GPC5: variants seen among roughly 807,000 people sequenced by gnomAD.
GPC5 encodes the protein glypican-5.
GPC5 carries 47 observed loss-of-function variants against 53.9 expected under a neutral mutation model. The observed-to-expected ratio is 0.87, with a 90% CI of 0.69 to 1.11. The LOEUF (loss-of-function observed/expected upper bound fraction) is 1.11, where lower values mean the gene tolerates loss of function less well. GPC5 is among the 50% of genes most tolerant of loss of function. The pLI is 0.00. For missense variants in GPC5, 748 were observed against 713.1 expected (o/e 1.05, Z -0.56); for synonymous variants, 286 against 263.3 (o/e 1.09, Z -0.84).
chr13:91,457,929 C>T (rs1452257922), intron 2 of GPC5, among the ~76,000 whole-genome samples: 1 of 152,066 alleles, frequency 6.6e-6, no homozygotes, highest in African/African-American at 2.4e-5. Context: ...AAACAAAGAT[C>T]CCTGTCTTGA....
intron 2 of GPC5, among the ~76,000 whole-genome samples, chr13:91,690,427 CAA>C (rs2035733119): frequency 6.6e-6 from 1 of 151,956 alleles, no homozygotes; most frequent in African/African-American, 2.4e-5. Context: ...ATTACAAACT[CAA>C]AGAGTAATCA....
intron 7 of GPC5, among the ~76,000 whole-genome samples, chr13:92,653,907 T>C (rs528816316): frequency 6.6e-6 from 1 of 152,262 alleles, no homozygotes; most frequent in East Asian, 1.9e-4. Flanking sequence ...CAAAACTCAG[T>C]GAAGTATGAG....
At chr13:91,515,941 A>G (rs1043985441) in intron 2 of GPC5, among the ~76,000 whole-genome samples, 2 of 152,238 alleles carry the variant, frequency 1.3e-5, no homozygotes, top group African/African-American at 4.8e-5. Context: ...ATGAGGAAGA[A>G]GCAAAAGAGC....
intron 7 of GPC5, among the ~76,000 whole-genome samples, chr13:92,629,485 A>G (rs1038157648): frequency 7.9e-5 from 12 of 152,162 alleles, no homozygotes; most frequent in Admixed American, 3.9e-4. Flanking sequence ...TTACCTGTAC[A>G]TTATAAGAAA....
chr13:91,683,273 G>A (rs1364242246), intron 2 of GPC5, among the ~76,000 whole-genome samples: 1 of 152,100 alleles, frequency 6.6e-6, no homozygotes, highest in African/African-American at 2.4e-5. Context: ...AGAAAGGAAT[G>A]AATTCTCTTT....
chr13:92,787,604 G>T (rs1401231218), intron 7 of GPC5, among the ~76,000 whole-genome samples: 1 of 146,644 alleles, frequency 6.8e-6, no homozygotes, highest in Admixed American at 7.0e-5. Flanking sequence ...GGCCAAGGCA[G>T]GAGGGTCACT....
intron 7 of GPC5, among the ~76,000 whole-genome samples, chr13:92,511,385 A>T (rs1880558001): frequency 6.6e-6 from 1 of 152,066 alleles, no homozygotes; most frequent in Non-Finnish European, 1.5e-5. Context: ...TATTTTAATT[A>T]TGCTTTCTTT....
At chr13:92,852,868 G>A (rs926870828) in intron 7 of GPC5, among the ~76,000 whole-genome samples, 1 of 152,152 alleles carries the variant, frequency 6.6e-6, no homozygotes, top group Non-Finnish European at 1.5e-5. Context: ...TGGACTAAAA[G>A]GGGCCATTGC....
At chr13:92,580,784 C>T (rs931787394) in intron 7 of GPC5, among the ~76,000 whole-genome samples, 1 of 152,108 alleles carries the variant, frequency 6.6e-6, no homozygotes, top group African/African-American at 2.4e-5. Flanking sequence ...TGGTGCTAAA[C>T]TGTTCATGAG....
intron 5 of GPC5, among the ~76,000 whole-genome samples, chr13:91,792,310 T>G (rs547651890): frequency 2.6e-4 from 39 of 152,286 alleles, no homozygotes; most frequent in African/African-American, 9.4e-4. Context: ...GACTATTGGT[T>G]TAGTAACATA....
chr13:91,459,585 C>G (rs1373005493), intron 2 of GPC5, among the ~76,000 whole-genome samples: 1 of 151,940 alleles, frequency 6.6e-6, no homozygotes, highest in Non-Finnish European at 1.5e-5. Flanking sequence ...GAGGGGCTTC[C>G]ACATGGACTT....
chr13:92,589,593 A>T (rs1312515802), intron 7 of GPC5, among the ~76,000 whole-genome samples: 1 of 152,204 alleles, frequency 6.6e-6, no homozygotes, highest in Non-Finnish European at 1.5e-5. Flanking sequence ...AGATTTTATG[A>T]TCATGGCATT....
intron 6 of GPC5, among the ~76,000 whole-genome samples, chr13:92,000,917 G>A (rs1045193475): frequency 6.6e-6 from 1 of 152,196 alleles, no homozygotes; most frequent in African/African-American, 2.4e-5. Flanking sequence ...AGGCCACTGA[G>A]AAAGCTGGGT....
intron 7 of GPC5, among the ~76,000 whole-genome samples, chr13:92,653,434 T>G (rs1049193747): frequency 2.6e-5 from 4 of 152,200 alleles, no homozygotes; most frequent in African/African-American, 9.7e-5. Flanking sequence ...AAGATACGGA[T>G]GGGCTGCAGA....
intron 2 of GPC5, among the ~76,000 whole-genome samples, chr13:91,489,323 C>T (rs546561234): frequency 6.6e-6 from 1 of 152,082 alleles, no homozygotes; most frequent in African/African-American, 2.4e-5. Context: ...TGTGATGTCT[C>T]CCCCGGACAC....
intron 2 of GPC5, among the ~76,000 whole-genome samples, chr13:91,571,792 T>C (rs1460516261): frequency 8.0e-6 from 1 of 125,458 alleles, no homozygotes; most frequent in Non-Finnish European, 1.7e-5. Flanking sequence ...CATATACGTG[T>C]GTGTATATAT....
chr13:91,508,428 G>T (rs943319384), intron 2 of GPC5, among the ~76,000 whole-genome samples: 1 of 152,160 alleles, frequency 6.6e-6, no homozygotes, highest in Non-Finnish European at 1.5e-5. Context: ...AGACAGGATG[G>T]CATTGTACTG....
intron 6 of GPC5, among the ~76,000 whole-genome samples, chr13:91,931,568 A>G (rs2039822026): frequency 6.6e-6 from 1 of 152,046 alleles, no homozygotes; most frequent in Admixed American, 6.6e-5. Flanking sequence ...AGCAACAGCA[A>G]CAAGAAGATT....
At chr13:92,076,247 A>ATTTTTT in intron 6 of GPC5, among the ~76,000 whole-genome samples, 1 of 151,538 alleles carries the variant, frequency 6.6e-6, no homozygotes, top group East Asian at 1.9e-4. Flanking sequence ...TTTATTTTTT[A>ATTTTTT]TTTTTTGTAT....
Sources: gnomAD v4.1 joint callset for allele counts (sites outside exome capture counted in the v4.1 genomes callset) on GRCh38, gnomAD v4.1.1 for gene constraint, MANE v1.5 for transcripts, NCBI Gene and HGNC (gene_info 2026-07-23, HGNC 2026-07-21) for gene names.